Variants in EML6 observed in about 807,000 individuals in gnomAD.
EML6 encodes the protein echinoderm microtubule-associated protein-like 6.
A neutral mutation model predicts 240.1 loss-of-function variants in EML6; 154 were observed. The observed-to-expected ratio is 0.64, with a 90% confidence interval of 0.56 to 0.73. The LOEUF (loss-of-function observed/expected upper bound fraction) is 0.73. EML6 is among the 30% of genes least tolerant of loss of function. The pLI is 0.00. For missense variants in EML6, 2,964 were observed against 2,474.6 expected (o/e 1.20, Z -4.20); for synonymous variants, 1,148 against 899.0 (o/e 1.28, Z -4.95).
intron 12 of EML6, 147 bp downstream of exon 12, chr2:54,859,848 C>A (rs1256357636): frequency 1.5e-6 from 1 of 665,832 alleles, no homozygotes; most frequent in Non-Finnish European, 2.4e-6. Flanking sequence ...TAAGAAGAAA[C>A]TTTAAAGATT....
intron 17 of EML6, among the ~76,000 whole-genome samples, chr2:54,886,836 C>T (rs1672171926): frequency 1.3e-5 from 2 of 151,972 alleles, no homozygotes; most frequent in South Asian, 4.1e-4. Flanking sequence ...ATAATTTCAC[C>T]CATGTTCAAG....
intron 16 of EML6, among the ~76,000 whole-genome samples, chr2:54,873,275 G>C (rs964354011): frequency 2.6e-5 from 4 of 152,176 alleles, no homozygotes; most frequent in African/African-American, 9.7e-5. Flanking sequence ...ATTATTAGAA[G>C]TTATTCAGTG....
chr2:54,743,202 C>T (rs1191398598), intron 2 of EML6, among the ~76,000 whole-genome samples: 5 of 152,224 alleles, frequency 3.3e-5, no homozygotes. Flanking sequence ...AGTCACGTCG[C>T]AGGGTGCACG....
chr2:54,799,931 G>A (rs1158758502), intron 2 of EML6, among the ~76,000 whole-genome samples: 1 of 152,144 alleles, frequency 6.6e-6, no homozygotes, highest in South Asian at 2.1e-4. Flanking sequence ...CAGCAAACTG[G>A]TTGGTACACT....
chr2:54,747,124 T>G (rs1247687491), intron 2 of EML6: 1 of 152,252 alleles, frequency 6.6e-6, no homozygotes, highest in East Asian at 1.9e-4. Flanking sequence ...GTGATTTTAT[T>G]AAATATCAAG....
At position 54,725,315 on chromosome 2, in the gene EML6, G is replaced by A; in HGVS notation, c.197+57G>A. On this transcript the variant is annotated intron_variant, in intron 2 of 41. Transcript: ENST00000356458. This position sits in a 1 kb window ranked among gnomAD's most constrained non-coding sequence, Gnocchi z 4.3. ...GTTGCGTGTGGAGGCTGGGAAGGTG[G>A]GAAGCGGTTGACCTGGGGTCGGATC... 1 of 1,310,116 alleles carries A rather than the reference G, an allele frequency of 7.6e-7. No individual in the cohort carries two copies. Among genetic ancestry groups the A allele is most frequent in the Non-Finnish European group, 1.0e-6 (1 of 994,986 alleles). 81.2% of individuals were successfully genotyped at this position (1,310,116 alleles called of 1,614,324 possible).
intron 2 of EML6, among the ~76,000 whole-genome samples, chr2:54,812,506 G>A (rs1667899346): frequency 7.4e-6 from 1 of 135,888 alleles, no homozygotes; most frequent in South Asian, 2.4e-4. Context: ...TATACACAAT[G>A]AATTTAAAAC....
At chr2:54,813,116 A>T in intron 2 of EML6, 116 bp from the exon 3 acceptor site, 1 of 734,462 alleles carries the variant, frequency 1.4e-6, no homozygotes, top group Middle Eastern at 2.5e-4. Flanking sequence ...GACAGTTCAG[A>T]CTCTTTCTCT....
rs181873426 is a variant in EML6, at chr2:54,731,715, T to C, written c.197+6457T>C. Among the ~76,000 whole-genome samples the C allele has an allele frequency of 3.3e-5, 5 of 152,282 alleles. No individual in the cohort carries two copies. The South Asian group carries it at 8.3e-4, about 25-fold the overall frequency. On this transcript the variant is annotated intron_variant, in intron 2 of 41. Coordinates refer to ENST00000356458, the MANE Select transcript of EML6 (RefSeq NM_001039753.4). Reference sequence around the variant, plus strand: ...AACATTGCGCTGAACTATACTATCTTATAAAGAATTGTATCAGTCCCACCA... The same window carrying C: ...AACATTGCGCTGAACTATACTATCTCATAAAGAATTGTATCAGTCCCACCA...
intron 2 of EML6, among the ~76,000 whole-genome samples, chr2:54,807,029 A>T (rs148733836): frequency 1.6e-3 from 242 of 152,334 alleles, no homozygotes; most frequent in Middle Eastern, 0.014. Context: ...ATAATATATA[A>T]TGCACAACTT....
At chr2:54,808,193 C>G (rs909633402) in intron 2 of EML6, among the ~76,000 whole-genome samples, 1 of 152,188 alleles carries the variant, frequency 6.6e-6, no homozygotes, top group Non-Finnish European at 1.5e-5. Context: ...GTGTCAAGAT[C>G]ACAGTTGTGG....
chr2:54,898,264 A>G (rs1037955363), intron 21 of EML6, among the ~76,000 whole-genome samples: 2 of 152,160 alleles, frequency 1.3e-5, no homozygotes, highest in Admixed American at 1.3e-4. Flanking sequence ...GGGGATTAAA[A>G]TAAACAGATT....
At chr2:54,940,524 A>G (rs1435328086) in intron 28 of EML6, among the ~76,000 whole-genome samples, 1 of 152,226 alleles carries the variant, frequency 6.6e-6, no homozygotes, top group East Asian at 1.9e-4. Context: ...TGTACCTATC[A>G]TGGGACCACT....
intron 28 of EML6, among the ~76,000 whole-genome samples, chr2:54,943,200 C>T (rs765693213): frequency 2.0e-5 from 3 of 152,208 alleles, no homozygotes; most frequent in African/African-American, 4.8e-5. Context: ...CTTTCTCTCT[C>T]CTCCATTTTG....
At chr2:54,799,730 C>G (rs752874042) in intron 2 of EML6, among the ~76,000 whole-genome samples, 38 of 152,302 alleles carry the variant, frequency 2.5e-4, no homozygotes, top group Non-Finnish European at 4.9e-4. Context: ...CGCTTACTAT[C>G]TGACCCTTTA....
Position 54,949,439 on chromosome 2 carries a change from G to A in EML6, c.4083+479G>A, listed in dbSNP as rs140834789. 8.5e-4 allele frequency among the ~76,000 whole-genome samples: 130 copies of A among 152,260 alleles called. 1 individual carries two copies. The East Asian group carries it at 0.013, about 15-fold the overall frequency. ...CCATTACTGTTTCCATTTTCCCGAC[G>A]AGGACGCTGTGGCTGAGGGGAGTTG... On this transcript the variant is annotated intron_variant, in intron 29 of 41. Transcript: ENST00000356458.
At chr2:54,770,954 G>A (rs1668378200) in intron 2 of EML6, among the ~76,000 whole-genome samples, 1 of 152,112 alleles carries the variant, frequency 6.6e-6, no homozygotes, top group Non-Finnish European at 1.5e-5. Context: ...GTTGTACCAT[G>A]TACTGAAATG....
chr2:54,809,454 T>A (rs1248418947), intron 2 of EML6, among the ~76,000 whole-genome samples: 1 of 152,172 alleles, frequency 6.6e-6, no homozygotes, highest in Admixed American at 6.5e-5. Context: ...CAGGGTTCTT[T>A]GCATCACAGT....
chr2:54,879,900 G>C (rs1228280674), intron 17 of EML6: 10 of 429,010 alleles, frequency 2.3e-5, no homozygotes. Context: ...AGTGGTCTGT[G>C]TAATCTGTAT....
Sources: allele counts gnomAD v4.1 joint callset (sites outside exome capture counted in the v4.1 genomes callset), GRCh38; gene constraint gnomAD v4.1.1; non-coding constraint Gnocchi (gnomAD v3.1); transcripts MANE v1.5; gene names NCBI Gene and HGNC (gene_info 2026-07-23, HGNC 2026-07-21).